NAALADL2: variants seen among roughly 807,000 people sequenced by gnomAD.
The protein encoded by NAALADL2 is N-acetylated alpha-linked acidic dipeptidase like 2.
Under a neutral mutation model 87.2 loss-of-function variants are expected in NAALADL2, and 76 were observed. That is an observed-to-expected ratio of 0.87 (90% confidence interval 0.72 to 1.05). NAALADL2 has a LOEUF of 1.05. Among genes scored for constraint, NAALADL2 ranks in the 50% least tolerant of loss-of-function variants. NAALADL2 has a pLI of 0.00. For synonymous variants in NAALADL2, 354 were observed against 331.0 expected, an observed-to-expected ratio of 1.07 and a Z score of -0.75; for missense variants, 1,089 against 945.8, an observed-to-expected ratio of 1.15 and a Z score of -1.99.
intron 1 of NAALADL2, among the ~76,000 whole-genome samples, chr3:175,013,322 A>C (rs1750399779): frequency 1.1e-5 from 1 of 94,762 alleles, no homozygotes; most frequent in Admixed American, 1.2e-4. Flanking sequence ...TTTTTGAGAC[A>C]GGGTCTTGCT....
chr3:175,226,980 TAAC>T (rs1423687207), intron 2 of NAALADL2, among the ~76,000 whole-genome samples: 1 of 152,086 alleles, frequency 6.6e-6, no homozygotes, highest in Non-Finnish European at 1.5e-5. Flanking sequence ...CCAATTCAAA[TAAC>T]AACCTAATGA....
chr3:174,773,454 GA>G (rs1177602839), intron 3 of NAALADL2, among the ~76,000 whole-genome samples: 1 of 152,130 alleles, frequency 6.6e-6, no homozygotes, highest in African/African-American at 2.4e-5. Context: ...GGGCTTAGAT[GA>G]TAGACTCTCC....
At chr3:175,025,385 A>G (rs1752098616) in intron 1 of NAALADL2, among the ~76,000 whole-genome samples, 1 of 152,184 alleles carries the variant, frequency 6.6e-6, no homozygotes, top group Admixed American at 6.5e-5. Context: ...TCAATCATGT[A>G]CAATTCCTTT....
chr3:174,840,899 T>A (rs932521894), intron 3 of NAALADL2, among the ~76,000 whole-genome samples: 4 of 151,874 alleles, frequency 2.6e-5, no homozygotes, highest in African/African-American at 9.7e-5. Context: ...AGCTGGTAGG[T>A]AGTCAGCAGG....
chr3:175,234,663 A>G (rs1239880154), intron 3 of NAALADL2, among the ~76,000 whole-genome samples: 1 of 152,136 alleles, frequency 6.6e-6, no homozygotes, highest in Non-Finnish European at 1.5e-5. Context: ...GATGGAAAAC[A>G]CATGTGATAA....
At chr3:175,396,035 T>C (rs746215222) in intron 5 of NAALADL2, among the ~76,000 whole-genome samples, 2 of 152,182 alleles carry the variant, frequency 1.3e-5, no homozygotes, top group Admixed American at 6.5e-5. Flanking sequence ...AACAACTCAC[T>C]GTGCATAGAT....
intron 5 of NAALADL2, among the ~76,000 whole-genome samples, chr3:175,354,092 C>G (rs1764084279): frequency 6.6e-6 from 1 of 152,192 alleles, no homozygotes; most frequent in South Asian, 2.1e-4. Flanking sequence ...TCAGCCTTTG[C>G]TCCCAGCCCT....
At chr3:174,798,766 C>T (rs1161877671) in intron 3 of NAALADL2, among the ~76,000 whole-genome samples, 6 of 151,834 alleles carry the variant, frequency 4.0e-5, no homozygotes, top group African/African-American at 2.4e-5. Flanking sequence ...TATATTTGAT[C>T]TTGTATTCTG....
intron 1 of NAALADL2, among the ~76,000 whole-genome samples, chr3:175,045,385 A>G (rs539031011): frequency 6.6e-6 from 1 of 152,256 alleles, no homozygotes; most frequent in Non-Finnish European, 1.5e-5. Context: ...GGTCATTTAA[A>G]TTGTGTTTAT....
chr3:175,312,691 G>A (rs1219205456), intron 4 of NAALADL2, among the ~76,000 whole-genome samples: 1 of 152,152 alleles, frequency 6.6e-6, no homozygotes, highest in Non-Finnish European at 1.5e-5. Context: ...TACTAGCTCT[G>A]ACCCTGGGCC....
intron 1 of NAALADL2, among the ~76,000 whole-genome samples, chr3:174,997,270 G>C (rs935227173): frequency 6.6e-6 from 1 of 151,852 alleles, no homozygotes; most frequent in African/African-American, 2.4e-5. Context: ...TTCCATAGTG[G>C]TACTAATTTA....
At chr3:174,779,386 A>T (rs6786561) in intron 3 of NAALADL2, among the ~76,000 whole-genome samples, 1,783 of 152,092 alleles carry the variant, frequency 0.012, 36 homozygotes, top group African/African-American at 0.041. Context: ...CCTTTATCAG[A>T]TGGATAGATT....
At chr3:175,709,883 A>G (rs1322537659) in intron 11 of NAALADL2, among the ~76,000 whole-genome samples, 10 of 152,074 alleles carry the variant, frequency 6.6e-5, no homozygotes, top group Non-Finnish European at 1.5e-4. Flanking sequence ...GACAAAAATG[A>G]TGTCTGTAGT....
intron 1 of NAALADL2, among the ~76,000 whole-genome samples, chr3:175,057,329 G>A (rs1015481858): frequency 6.6e-6 from 1 of 152,062 alleles, no homozygotes; most frequent in African/African-American, 2.4e-5. Flanking sequence ...ACAACAGAGT[G>A]GTGTCCATTT....
At chr3:175,546,030 C>T (rs944198916) in intron 9 of NAALADL2, among the ~76,000 whole-genome samples, 2 of 151,970 alleles carry the variant, frequency 1.3e-5, no homozygotes, top group East Asian at 3.9e-4. Context: ...TAATAGAGTA[C>T]AATACACCTT....
intron 2 of NAALADL2, among the ~76,000 whole-genome samples, chr3:175,112,978 G>T (rs1724460800): frequency 6.6e-6 from 1 of 151,558 alleles, no homozygotes. Context: ...AAGACATGGA[G>T]GTAAGAAAGC....
chr3:174,483,976 T>A (rs1717711189), intron 1 of NAALADL2, among the ~76,000 whole-genome samples: 1 of 152,064 alleles, frequency 6.6e-6, no homozygotes, highest in Non-Finnish European at 1.5e-5. Context: ...ACCTCAGAGA[T>A]AATAGCCAGT....
chr3:175,204,959 C>G (rs926572109), intron 2 of NAALADL2, among the ~76,000 whole-genome samples: 3 of 150,878 alleles, frequency 2.0e-5, no homozygotes, highest in African/African-American at 7.4e-5. Flanking sequence ...TCATAGAAGA[C>G]ACAAACAAAT....
At chr3:175,368,323 T>C (rs2148935565) in intron 5 of NAALADL2, among the ~76,000 whole-genome samples, 1 of 152,270 alleles carries the variant, frequency 6.6e-6, no homozygotes, top group South Asian at 2.1e-4. Flanking sequence ...TTCTCTTTTT[T>C]GGTTGTGTCT....
Sources: allele counts gnomAD v4.1 joint callset (sites outside exome capture counted in the v4.1 genomes callset), GRCh38; gene constraint gnomAD v4.1.1; transcripts MANE v1.5; gene names NCBI Gene and HGNC (gene_info 2026-07-23, HGNC 2026-07-21).